Variants in KLRG1 observed in about 807,000 individuals in gnomAD.
KLRG1 encodes the protein killer cell lectin-like receptor subfamily G member 1.
In KLRG1, 16 loss-of-function variants were observed where a neutral mutation model predicts 21.8. The observed-to-expected ratio is 0.73, with a 90% confidence interval of 0.50 to 1.11. KLRG1 has a LOEUF of 1.11. Among genes scored for constraint, KLRG1 ranks in the 50% most tolerant of loss-of-function variants. The pLI, the probability that KLRG1 is intolerant of heterozygous loss-of-function variation, is 0.00. For synonymous variants in KLRG1, 69 were observed against 75.9 expected (o/e 0.91, Z 0.47); for missense variants, 173 against 218.3 (o/e 0.79, Z 1.31).
At chr12:8,953,678 A>G (rs1394161787) in intron 1 of KLRG1, among the ~76,000 whole-genome samples, 2 of 152,180 alleles carry the variant, frequency 1.3e-5, no homozygotes, top group East Asian at 3.9e-4. Context: ...GGGAAGTGAT[A>G]CGTTTTTATA....
chr12:8,993,443 C>G (rs1054347197), intron 2 of KLRG1, among the ~76,000 whole-genome samples: 2 of 152,046 alleles, frequency 1.3e-5, no homozygotes, highest in Non-Finnish European at 1.5e-5. Context: ...CACCTGCCAC[C>G]ACGCCCAGCT....
At chr12:9,196,332 G>C in the KLRG1 span, 7 of 1,600,620 alleles carry the variant, frequency 4.4e-6, no homozygotes, top group Non-Finnish European at 6.0e-6. Context: ...TATCTTACCT[G>C]TGCAAAAAAG....
the KLRG1 span, among the ~76,000 whole-genome samples, chr12:9,120,918 T>C: frequency 6.6e-6 from 1 of 150,792 alleles, no homozygotes; most frequent in Non-Finnish European, 1.5e-5. Context: ...TCTTGCTCTG[T>C]TGCCCAGGCT....
the KLRG1 span, among the ~76,000 whole-genome samples, chr12:9,059,583 A>C: frequency 6.6e-6 from 1 of 152,224 alleles, no homozygotes; most frequent in African/African-American, 2.4e-5. Context: ...TAGATATAAG[A>C]AAGAAAAATA....
the KLRG1 span, among the ~76,000 whole-genome samples, chr12:9,080,562 C>T: frequency 2.6e-5 from 4 of 152,142 alleles, no homozygotes; most frequent in African/African-American, 9.7e-5. Context: ...AAAACACCAA[C>T]AACAAAGCCC....
intron 1 of KLRG1, among the ~76,000 whole-genome samples, chr12:8,964,694 G>T (rs1946436684): frequency 6.7e-6 from 1 of 149,972 alleles, no homozygotes; most frequent in Admixed American, 6.7e-5. Context: ...GGTCACTAAG[G>T]ACTTGCTTTA....
At chr12:9,101,998 A>G in the KLRG1 span, among the ~76,000 whole-genome samples, 17 of 152,170 alleles carry the variant, frequency 1.1e-4, no homozygotes, top group Non-Finnish European at 2.5e-4. Flanking sequence ...GAGCTATGAA[A>G]CTTCATTGAG....
the KLRG1 span, among the ~76,000 whole-genome samples, chr12:9,100,432 T>G: frequency 6.6e-6 from 1 of 151,376 alleles, no homozygotes; most frequent in Non-Finnish European, 1.5e-5. Context: ...TTGTTCTTAT[T>G]TATTTATTTA....
In KLRG1 at chr12:8,989,590, C is replaced by T. The variant is rs780423956; in HGVS notation, c.-46C>T. 1 of 1,267,226 alleles carries T rather than the reference C, an allele frequency of 7.9e-7. No individual in the cohort carries two copies. The highest frequency in any genetic ancestry group is 1.5e-5 in the African/African-American group (1 of 68,142). The allele number at this position is 1,267,226 out of a possible 1,614,324, so 78.5% of individuals were successfully genotyped here. ...CACTGATACATATCCCTTCACACTT[C>T]TATAATTTAACTCTCTCAACTGCAT... On this transcript the variant is annotated 5_prime_UTR_variant, in exon 1 of 5. Coordinates refer to ENST00000356986, the MANE Select transcript of KLRG1 (RefSeq NM_005810.4).
the KLRG1 span, among the ~76,000 whole-genome samples, chr12:9,040,087 G>A: frequency 1.3e-5 from 2 of 152,166 alleles, no homozygotes; most frequent in African/African-American, 2.4e-5. Flanking sequence ...TAAAAAGAAG[G>A]CACTCAATTA....
chr12:9,151,161 G>A, the KLRG1 span, among the ~76,000 whole-genome samples: 2 of 152,216 alleles, frequency 1.3e-5, no homozygotes, highest in Non-Finnish European at 2.9e-5. Flanking sequence ...ATTTTATGGT[G>A]ACATTTTAGA....
the KLRG1 span, chr12:9,150,709 A>G: frequency 6.2e-7 from 1 of 1,613,134 alleles, no homozygotes. Flanking sequence ...GATGTCTTGC[A>G]GAACCATGAA....
At chr12:8,979,570 CTT>C (rs1946720974) in intron 1 of KLRG1, among the ~76,000 whole-genome samples, 1 of 152,126 alleles carries the variant, frequency 6.6e-6, no homozygotes, top group African/African-American at 2.4e-5. Context: ...TACTTGGAAT[CTT>C]TTAGGATTCC....
At chr12:9,201,645 A>G in the KLRG1 span, among the ~76,000 whole-genome samples, 1 of 152,154 alleles carries the variant, frequency 6.6e-6, no homozygotes, top group Non-Finnish European at 1.5e-5. Context: ...CTCCTAGTGA[A>G]TAATATGACT....
At chr12:9,091,304 A>G in the KLRG1 span, 1 of 1,614,196 alleles carries the variant, frequency 6.2e-7, no homozygotes, top group Non-Finnish European at 8.5e-7. Flanking sequence ...GAAGGGCTGG[A>G]AGGCTCGGAG....
the KLRG1 span, among the ~76,000 whole-genome samples, chr12:9,182,437 A>G: frequency 1.3e-5 from 2 of 152,148 alleles, no homozygotes; most frequent in Non-Finnish European, 2.9e-5. Flanking sequence ...TGTGACAACT[A>G]TTTTATTTAC....
At chr12:9,005,867 A>G (rs766033089) in intron 3 of KLRG1, among the ~76,000 whole-genome samples, 31 of 152,250 alleles carry the variant, frequency 2.0e-4, no homozygotes, top group African/African-American at 6.5e-4. Flanking sequence ...TGAGAATCCA[A>G]TGCCACCGCT....
At chr12:9,011,314 C>A (rs1239464957), downstream of KLRG1, among the ~76,000 whole-genome samples, 1 of 152,170 alleles carries the variant, frequency 6.6e-6, no homozygotes, top group Non-Finnish European at 1.5e-5. Flanking sequence ...ATTCCTTAGA[C>A]TTATTTATGA....
the KLRG1 span, among the ~76,000 whole-genome samples, chr12:9,065,570 C>T: frequency 6.6e-6 from 1 of 152,166 alleles, no homozygotes; most frequent in Non-Finnish European, 1.5e-5. Flanking sequence ...GGGAGGGAGG[C>T]TGAGAGGGGT....
Sources: allele counts gnomAD v4.1 joint callset (sites outside exome capture counted in the v4.1 genomes callset), GRCh38; gene constraint gnomAD v4.1.1; transcripts MANE v1.5; gene names NCBI Gene and HGNC (gene_info 2026-07-23, HGNC 2026-07-21).